The following SHROOM3 variants were observed in gnomAD, a reference collection of about 807,000 sequenced individuals.
The protein encoded by SHROOM3 is protein Shroom3.
In SHROOM3, 47 loss-of-function variants were observed where a neutral mutation model predicts 138.6. That is an observed-to-expected ratio of 0.34 (90% confidence interval 0.27 to 0.43). SHROOM3 has a LOEUF of 0.43. Ranked by LOEUF, SHROOM3 falls within the 20% of genes least tolerant of loss-of-function variation. The pLI, the probability that SHROOM3 is intolerant of heterozygous loss-of-function variation, is 1.00. For synonymous variants in SHROOM3, 1,062 were observed against 1,063.3 expected, an observed-to-expected ratio of 1.00 and a Z score of 0.02; for missense variants, 2,491 against 2,596.5, an observed-to-expected ratio of 0.96 and a Z score of 0.88.
chr4:76,725,934 G>C (rs1006126544), intron 3 of SHROOM3, among the ~76,000 whole-genome samples: 3 of 151,970 alleles, frequency 2.0e-5, no homozygotes, highest in Non-Finnish European at 4.4e-5. Flanking sequence ...AAAACATTAG[G>C]AACAAAACCT....
intron 2 of SHROOM3, among the ~76,000 whole-genome samples, chr4:76,702,372 G>A (rs1315965738): frequency 6.6e-6 from 1 of 152,170 alleles, no homozygotes; most frequent in South Asian, 2.1e-4. Context: ...CATACCATGT[G>A]CCCAGTAAAT....
chr4:76,710,286 AG>A lies in SHROOM3; in HGVS notation c.455+1del. On this transcript the variant is annotated frameshift_variant and splice_region_variant, in exon 3 of 11. Coordinates refer to ENST00000296043, the MANE Select transcript of SHROOM3 (RefSeq NM_020859.4). LOFTEE classifies it high-confidence loss of function. ...AGGGGTTAAACTTCGGCTGAAGCACAGGTAAGACGCACGGAAGTTGGTGCTG... is the reference window on the plus strand; with the variant it reads ...AGGGGTTAAACTTCGGCTGAAGCACAGTAAGACGCACGGAAGTTGGTGCTG... ...SGGVKLRLKH[R>X]RSEPAGRPHS... 6.2e-7 allele frequency: 1 copy of A among 1,613,916 alleles called. No homozygotes were observed. Among genetic ancestry groups the A allele is most frequent in the Non-Finnish European group, 8.5e-7 (1 of 1,179,878 alleles).
intron 5 of SHROOM3, among the ~76,000 whole-genome samples, chr4:76,747,114 G>A (rs555619469): frequency 2.2e-4 from 33 of 152,184 alleles, no homozygotes; most frequent in South Asian, 1.9e-3. Context: ...CACCGCGCCC[G>A]ACCAATTTAC....
chr4:76,504,307 C>T (rs530561098), intron 1 of SHROOM3, among the ~76,000 whole-genome samples: 23 of 152,124 alleles, frequency 1.5e-4, no homozygotes, highest in Admixed American at 3.3e-4. Context: ...TACAGGCATG[C>T]GCCACCACGC....
intron 1 of SHROOM3, among the ~76,000 whole-genome samples, chr4:76,523,637 T>C (rs1466822047): frequency 1.3e-5 from 2 of 152,232 alleles, no homozygotes; most frequent in Non-Finnish European, 2.9e-5. Context: ...GTCGAAGTTA[T>C]GGAGGACACT....
At chr4:76,600,477 G>C (rs17002121) in intron 2 of SHROOM3, among the ~76,000 whole-genome samples, 2,718 of 152,148 alleles carry the variant, frequency 0.018, 83 homozygotes, top group African/African-American at 0.061. Context: ...TGTTTTCCTA[G>C]GATACAATAG....
intron 1 of SHROOM3, among the ~76,000 whole-genome samples, chr4:76,495,450 C>A (rs1731945821): frequency 6.6e-6 from 1 of 152,234 alleles, no homozygotes; most frequent in East Asian, 1.9e-4. Context: ...TCTGTGTGCC[C>A]TTCCTGCTCC....
At chr4:76,702,289 T>C (rs552000608) in intron 2 of SHROOM3, among the ~76,000 whole-genome samples, 3 of 152,212 alleles carry the variant, frequency 2.0e-5, no homozygotes, top group Non-Finnish European at 4.4e-5. Flanking sequence ...TTCTTTACAA[T>C]AAGGATGATT....
chr4:76,651,419 T>G (rs1161981023), intron 2 of SHROOM3, among the ~76,000 whole-genome samples: 1 of 90,042 alleles, frequency 1.1e-5, no homozygotes, highest in Non-Finnish European at 2.3e-5. Context: ...TATATATATA[T>G]ATATATATAT....
chr4:76,452,278 C>T (rs796320871), intron 1 of SHROOM3, among the ~76,000 whole-genome samples: 8 of 152,326 alleles, frequency 5.3e-5, no homozygotes, highest in African/African-American at 1.9e-4. Flanking sequence ...TCAGTGGCAT[C>T]AAGTACATTC....
chr4:76,555,597 C>T lies in SHROOM3; in HGVS notation c.169-12C>T, dbSNP rs1308501432. ...GCTCACTCGTGGCTGTCGCATCTCT[C>T]CCTCCAAGCAGGTCGAAGAAGGGGG... On this transcript the variant is annotated splice_polypyrimidine_tract_variant and intron_variant, in intron 1 of 10. Transcript: ENST00000296043. 3 of 1,612,814 alleles carry T rather than the reference C, an allele frequency of 1.9e-6. No individual in the cohort carries two copies. Among genetic ancestry groups the T allele is most frequent in the African/African-American group, 2.7e-5 (2 of 74,886 alleles).
At chr4:76,542,951 G>T (rs1733137107) in intron 1 of SHROOM3, among the ~76,000 whole-genome samples, 1 of 152,158 alleles carries the variant, frequency 6.6e-6, no homozygotes, top group Non-Finnish European at 1.5e-5. Flanking sequence ...CAGGCCCAAA[G>T]GCCTAAGAGA....
chr4:76,668,237 G>A (rs565044339), intron 2 of SHROOM3, among the ~76,000 whole-genome samples: 93 of 151,894 alleles, frequency 6.1e-4, no homozygotes, highest in Non-Finnish European at 1.1e-3. Flanking sequence ...TGAAGGTGGC[G>A]GGGCAGGATA....
intron 1 of SHROOM3, among the ~76,000 whole-genome samples, chr4:76,467,736 T>C (rs1187860918): frequency 4.6e-5 from 7 of 152,122 alleles, no homozygotes; most frequent in African/African-American, 1.7e-4. Flanking sequence ...GAGATGAAGA[T>C]AAGTAGTCCC....
At chr4:76,581,646 C>A (rs1204652206) in intron 2 of SHROOM3, among the ~76,000 whole-genome samples, 1 of 152,210 alleles carries the variant, frequency 6.6e-6, no homozygotes, top group Non-Finnish European at 1.5e-5. Context: ...TCCCTTACAG[C>A]ATTTTCAAGG....
intron 1 of SHROOM3, among the ~76,000 whole-genome samples, chr4:76,528,872 C>A (rs1318361564): frequency 6.6e-6 from 1 of 152,104 alleles, no homozygotes; most frequent in Non-Finnish European, 1.5e-5. Flanking sequence ...CCTATTCTTC[C>A]AATCTTCACT....
intron 10 of SHROOM3, among the ~76,000 whole-genome samples, chr4:76,773,499 G>C (rs1003822085): frequency 6.6e-6 from 1 of 152,134 alleles, no homozygotes; most frequent in African/African-American, 2.4e-5. Context: ...AAACCAGGAA[G>C]GGGTAATGAG....
intron 8 of SHROOM3, 132 bp from the exon 9 acceptor site, chr4:76,759,413 C>T: frequency 1.7e-6 from 2 of 1,210,308 alleles, no homozygotes; most frequent in Admixed American, 1.9e-5. Context: ...TTAACAGTTA[C>T]TAGTTTATCC....
chr4:76,553,232 G>A (rs143485991), intron 1 of SHROOM3, among the ~76,000 whole-genome samples: 548 of 151,994 alleles, frequency 3.6e-3, no homozygotes, highest in African/African-American at 8.3e-3. Context: ...ATGCAATCTC[G>A]GCCCACTGCA....
Sources: gnomAD v4.1 joint callset for allele counts (sites outside exome capture counted in the v4.1 genomes callset) on GRCh38, gnomAD v4.1.1 for gene constraint, MANE v1.5 for transcripts, NCBI Gene and HGNC (gene_info 2026-07-23, HGNC 2026-07-21) for gene names.